The following XKR4 variants were observed in gnomAD, a reference collection of about 807,000 sequenced individuals.
XKR4 encodes XK related 4, also known as XK-related protein 4.
Under a neutral mutation model 53.9 loss-of-function variants are expected in XKR4, and 12 were observed. That is an observed-to-expected ratio of 0.22 (90% CI 0.14 to 0.36). The LOEUF is 0.36. Among genes scored for constraint, XKR4 ranks in the 10% least tolerant of loss-of-function variants. The pLI, the probability that XKR4 is intolerant of heterozygous loss-of-function variation, is 1.00. For missense variants in XKR4, 799 were observed against 859.5 expected, an observed-to-expected ratio of 0.93 and a Z score of 0.88; for synonymous variants, 354 against 362.4, an observed-to-expected ratio of 0.98 and a Z score of 0.26.
At chr8:55,110,859 C>G (rs1425610913) in intron 1 of XKR4, among the ~76,000 whole-genome samples, 1 of 152,110 alleles carries the variant, frequency 6.6e-6, no homozygotes, top group Non-Finnish European at 1.5e-5. Context: ...CTACCACCAC[C>G]ATCATCACTG....
chr8:55,409,006 CAAA>C (rs36030680), intron 2 of XKR4, among the ~76,000 whole-genome samples: 3 of 65,712 alleles, frequency 4.6e-5, no homozygotes, highest in Admixed American at 1.9e-4. Context: ...GACTCCGTCT[CAAA>C]AAAAAAAAAA....
At chr8:55,479,043 C>A (rs76789965) in intron 2 of XKR4, among the ~76,000 whole-genome samples, 17,996 of 151,936 alleles carry the variant, frequency 0.12, 1,718 homozygotes, top group East Asian at 0.42. Context: ...CTCTGCACCA[C>A]GCGGACCTAA....
chr8:55,429,511 C>T (rs978135909), intron 2 of XKR4, among the ~76,000 whole-genome samples: 3 of 151,908 alleles, frequency 2.0e-5, no homozygotes, highest in African/African-American at 7.3e-5. Flanking sequence ...CAGTTCAAGA[C>T]CAGCCTGGGC....
At chr8:55,445,488 T>C (rs764184765) in intron 2 of XKR4, among the ~76,000 whole-genome samples, 2 of 152,232 alleles carry the variant, frequency 1.3e-5, no homozygotes, top group Non-Finnish European at 2.9e-5. Context: ...CCCATTAATA[T>C]GAGAGTTTTC....
At chr8:55,470,587 T>C (rs1233295799) in intron 2 of XKR4, among the ~76,000 whole-genome samples, 6 of 152,134 alleles carry the variant, frequency 3.9e-5, no homozygotes, top group East Asian at 1.9e-4. Flanking sequence ...GGTATGTCTT[T>C]ATCAGCAGTG....
chr8:55,107,908 C>A (rs1004169727), intron 1 of XKR4, among the ~76,000 whole-genome samples: 2 of 152,176 alleles, frequency 1.3e-5, no homozygotes, highest in African/African-American at 4.8e-5. Flanking sequence ...CACTGAGCAC[C>A]TGCTATGTGC....
intron 2 of XKR4, among the ~76,000 whole-genome samples, chr8:55,467,748 A>G (rs1805804810): frequency 6.6e-6 from 1 of 152,154 alleles, no homozygotes; most frequent in East Asian, 1.9e-4. Context: ...GAATTCTTTG[A>G]TTAATAGTAA....
intron 1 of XKR4, among the ~76,000 whole-genome samples, chr8:55,332,194 A>G (rs914442065): frequency 1.3e-5 from 2 of 152,122 alleles, no homozygotes; most frequent in Non-Finnish European, 2.9e-5. Context: ...ACACACAAAA[A>G]CTACTCTTTT....
intron 2 of XKR4, among the ~76,000 whole-genome samples, chr8:55,500,900 T>C (rs1246477356): frequency 1.3e-5 from 2 of 152,202 alleles, no homozygotes; most frequent in African/African-American, 2.4e-5. Flanking sequence ...CCTTTGCCAT[T>C]ATACACACAT....
chr8:55,310,689 G>C (rs1476164341), intron 1 of XKR4, among the ~76,000 whole-genome samples: 1 of 152,214 alleles, frequency 6.6e-6, no homozygotes, highest in Non-Finnish European at 1.5e-5. Context: ...AGGGCTAAAA[G>C]TTTGGGTGTA....
intron 2 of XKR4, among the ~76,000 whole-genome samples, chr8:55,445,928 C>T (rs1303005264): frequency 6.6e-6 from 1 of 152,204 alleles, no homozygotes; most frequent in African/African-American, 2.4e-5. Flanking sequence ...AGCCAAATCT[C>T]CTAACAGAAA....
chr8:55,137,435 C>T (rs1816646391), intron 1 of XKR4, among the ~76,000 whole-genome samples: 1 of 151,838 alleles, frequency 6.6e-6, no homozygotes, highest in South Asian at 2.1e-4. Context: ...TAAAGAATAG[C>T]AGGTTTCCTC....
chr8:55,369,284 A>G (rs2939682), intron 2 of XKR4, among the ~76,000 whole-genome samples: 31,327 of 148,942 alleles, frequency 0.21, 5,077 homozygotes, highest in African/African-American at 0.46. Flanking sequence ...GATCCCTTGA[A>G]GCTGCAGTGA....
chr8:55,363,101 T>C (rs888118328), intron 2 of XKR4, among the ~76,000 whole-genome samples: 4 of 152,216 alleles, frequency 2.6e-5, no homozygotes, highest in East Asian at 1.9e-4. Context: ...CCAACCTAAA[T>C]GTTTCCACTT....
chr8:55,279,885 A>C (rs1818814643), intron 1 of XKR4, among the ~76,000 whole-genome samples: 1 of 152,204 alleles, frequency 6.6e-6, no homozygotes, highest in Non-Finnish European at 1.5e-5. Flanking sequence ...TGCAGAATAA[A>C]GCCATACATT....
At chr8:55,418,952 T>G (rs73591642) in intron 2 of XKR4, among the ~76,000 whole-genome samples, 14,739 of 152,018 alleles carry the variant, frequency 0.097, 1,993 homozygotes, top group African/African-American at 0.3. Context: ...TCTTTAGATT[T>G]GATTATTGAC....
intron 1 of XKR4, among the ~76,000 whole-genome samples, chr8:55,225,103 A>G (rs1461375757): frequency 6.6e-6 from 1 of 152,256 alleles, no homozygotes; most frequent in African/African-American, 2.4e-5. Flanking sequence ...AAGCTATTCA[A>G]GTAAATACCT....
In XKR4 at chr8:55,486,980, A is replaced by T. The variant is rs117304213; in HGVS notation, c.1007-36301A>T. Reference sequence around the variant, plus strand: ...GGTTCTCCAGAGAACTAGAACCAATAGAATATGTATATAGAGATATGAGAG... The same window carrying T: ...GGTTCTCCAGAGAACTAGAACCAATTGAATATGTATATAGAGATATGAGAG... On this transcript the variant is annotated intron_variant, in intron 2 of 2. Transcript: ENST00000327381. 1.4e-3 allele frequency among the ~76,000 whole-genome samples: 218 copies of T among 152,324 alleles called. 3 individuals are homozygous for T. The East Asian group carries it at 0.035, about 24-fold the overall frequency.
chr8:55,362,013 C>T lies in XKR4; in HGVS notation c.1006+4136C>T, dbSNP rs137893643. The stretch of plus-strand genomic sequence containing the variant: ...CCCTGATCTCAGGCAATTTTCTTAT[C>T]GTTGTTAAGCCTCAATTTGCCCATG... On this transcript the variant is annotated intron_variant, in intron 2 of 2. Transcript: ENST00000327381. Among the ~76,000 whole-genome samples, 7 of 152,220 alleles carry T rather than the reference C, an allele frequency of 4.6e-5. No individual in the cohort carries two copies. In the East Asian group the frequency reaches 5.8e-4, roughly 13 times the overall value.
Sources: allele counts gnomAD v4.1 joint callset (sites outside exome capture counted in the v4.1 genomes callset), GRCh38; gene constraint gnomAD v4.1.1; transcripts MANE v1.5; gene names NCBI Gene and HGNC (gene_info 2026-07-23, HGNC 2026-07-21).